The following TMEM50B variants were observed in gnomAD, a reference collection of about 807,000 sequenced individuals.
TMEM50B encodes transmembrane protein 50B.
Under a neutral mutation model 23.4 loss-of-function variants are expected in TMEM50B, and 14 were observed. That is an observed-to-expected ratio of 0.60 (90% CI 0.39 to 0.93). The LOEUF is 0.93. TMEM50B is among the 40% of genes least tolerant of loss of function. The probability of loss-of-function intolerance (pLI) is 0.00; values close to 1 mark genes in which losing one functional copy is unlikely to be tolerated. For synonymous variants in TMEM50B, 64 were observed against 62.3 expected (o/e 1.03, Z -0.13); for missense variants, 159 against 193.0 (o/e 0.82, Z 1.04).
chr21:33,477,386 AATAT>A (rs1192147609), intron 1 of TMEM50B, among the ~76,000 whole-genome samples: 1 of 152,128 alleles, frequency 6.6e-6, no homozygotes, highest in Non-Finnish European at 1.5e-5. Flanking sequence ...GCAATATTAT[AATAT>A]AATACCCTCC....
rs147253276 is a variant in TMEM50B, at chr21:33,456,698, C to T, written c.374-914G>A. 2.0e-3 allele frequency among the ~76,000 whole-genome samples: 308 copies of T among 152,246 alleles called. 1 individual carries two copies. The highest frequency in any genetic ancestry group is 7.1e-3 in the African/African-American group (296 of 41,538). On this transcript the variant is annotated intron_variant, in intron 5 of 6. Transcript: ENST00000542230. ...TCTATACCAATGACTAACTGTATGACCTTGGGCAAATTATTTAACCTCAGC... is the reference window on the plus strand; with the variant it reads ...TCTATACCAATGACTAACTGTATGATCTTGGGCAAATTATTTAACCTCAGC...
At chr21:33,454,284 T>C (rs2084149042) in intron 6 of TMEM50B, among the ~76,000 whole-genome samples, 1 of 152,064 alleles carries the variant, frequency 6.6e-6, no homozygotes, top group Non-Finnish European at 1.5e-5. Flanking sequence ...GTATATAATA[T>C]GCATACTATG....
At chr21:33,451,632 G>C (rs1244867216) in intron 6 of TMEM50B, among the ~76,000 whole-genome samples, 1 of 152,048 alleles carries the variant, frequency 6.6e-6, no homozygotes, top group East Asian at 1.9e-4. Flanking sequence ...GACACTCCAG[G>C]GCCATGAGTT....
intron 3 of TMEM50B, among the ~76,000 whole-genome samples, chr21:33,465,711 G>A (rs1231687121): frequency 6.6e-6 from 1 of 152,136 alleles, no homozygotes; most frequent in Non-Finnish European, 1.5e-5. Flanking sequence ...ATACATGAAT[G>A]ACTCAGTGCT....
chr21:33,461,728 C>T (rs1398181913), intron 4 of TMEM50B, among the ~76,000 whole-genome samples: 3 of 151,874 alleles, frequency 2.0e-5, no homozygotes, highest in South Asian at 2.1e-4. Context: ...TTGCTTGAAC[C>T]TGAGAGGCAG....
At chr21:33,439,716 C>T (rs532505339) in intron 7 of TMEM50B, among the ~76,000 whole-genome samples, 287 of 151,514 alleles carry the variant, frequency 1.9e-3, no homozygotes, top group African/African-American at 6.6e-3. Context: ...GCCTCATTCT[C>T]CTTAGTAAAA....
At chr21:33,444,041 T>C (rs973973756) in intron 7 of TMEM50B, among the ~76,000 whole-genome samples, 2 of 152,044 alleles carry the variant, frequency 1.3e-5, no homozygotes, top group South Asian at 2.1e-4. Context: ...GCTGGGATTA[T>C]AGGCACCTGC....
rs150144439 is a variant in TMEM50B at position 33,460,557 on chromosome 21, G to A, written c.281-52C>T. 4.2e-3 allele frequency: 4,695 copies of A among 1,116,828 alleles called. 19 individuals are homozygous for A. The highest frequency in any genetic ancestry group is 5.1e-3 in the Non-Finnish European group (3,895 of 763,492). The allele number at this position is 1,116,828 out of a possible 1,614,324, so 69.2% of individuals were successfully genotyped here. A position where few individuals can be genotyped will look rare whatever the true frequency, so the allele number is the denominator to read the frequency against. On this transcript the variant is annotated intron_variant, in intron 4 of 6. Coordinates refer to ENST00000542230, the MANE Select transcript of TMEM50B (RefSeq NM_006134.7). Reference sequence around the variant, plus strand: ...TTGTTCATTTTTGCAGCTCTGTAACGTCTTAGGAATACATAATACTAGGAG... The same window carrying A: ...TTGTTCATTTTTGCAGCTCTGTAACATCTTAGGAATACATAATACTAGGAG...
chr21:33,468,295 CT>C (rs2084283221), intron 2 of TMEM50B: 1 of 152,616 alleles, frequency 6.6e-6, no homozygotes, highest in African/African-American at 2.4e-5. Flanking sequence ...TCACAAATCT[CT>C]TCCTCTGATG....
At chr21:33,432,908 C>T (rs367731539) in intron 8 of TMEM50B, 8 of 1,498,764 alleles carry the variant, frequency 5.3e-6, no homozygotes, top group Non-Finnish European at 7.4e-6. Flanking sequence ...TTTTTTGAGA[C>T]AGGGTCTTGC....
Position 33,436,485 on chromosome 21 carries a change from G to A in TMEM50B, c.*2120+2729C>T, listed in dbSNP as rs17885882. 2.1e-3 allele frequency among the ~76,000 whole-genome samples: 314 copies of A among 152,352 alleles called. 2 individuals carry two copies. The highest frequency in any genetic ancestry group is 7.0e-3 in the African/African-American group (290 of 41,586). On this transcript the variant is annotated intron_variant and NMD_transcript_variant, in intron 8 of 8. Coordinates refer to the TMEM50B transcript ENST00000420455. ...CGCCTATAATCCCAGCACTTTGGGA[G>A]GCCAAGGTGGGTGGATCATTTGCGA...
intron 1 of TMEM50B, chr21:33,469,823 G>A (rs1022758145): frequency 6.6e-6 from 1 of 152,144 alleles, no homozygotes; most frequent in Non-Finnish European, 1.5e-5. Context: ...CCAAAAGTTT[G>A]AGCCTTCCCA....
intron 1 of TMEM50B, among the ~76,000 whole-genome samples, chr21:33,470,450 G>A (rs551354292): frequency 2.7e-3 from 241 of 90,300 alleles, no homozygotes; most frequent in Non-Finnish European, 4.5e-3. Flanking sequence ...AAAAAAAATC[G>A]GCTAGGCTCG....
intron 2 of TMEM50B, among the ~76,000 whole-genome samples, chr21:33,468,128 C>T (rs778943505): frequency 7.0e-6 from 1 of 143,242 alleles, no homozygotes; most frequent in African/African-American, 2.5e-5. Flanking sequence ...AAGATAGGTC[C>T]TGATTTTGGG....
At chr21:33,447,717 CACAT>C (rs753894725), downstream of TMEM50B, among the ~76,000 whole-genome samples, 46 of 90,556 alleles carry the variant, frequency 5.1e-4, no homozygotes, top group East Asian at 1.6e-3. Context: ...CACACACACA[CACAT>C]ATATATATAT....
At chr21:33,446,960 T>C (rs901382135), downstream of TMEM50B, 1 of 151,886 alleles carries the variant, frequency 6.6e-6, no homozygotes, top group Non-Finnish European at 1.5e-5. Context: ...TTGGCCAATA[T>C]GGTGAAACCA....
chr21:33,453,547 G>T (rs997425729), intron 6 of TMEM50B, among the ~76,000 whole-genome samples: 1 of 152,036 alleles, frequency 6.6e-6, no homozygotes, highest in African/African-American at 2.4e-5. Flanking sequence ...TACAAAAAAT[G>T]CTTGAAGAAA....
intron 7 of TMEM50B, chr21:33,439,355 C>T (rs148470823): frequency 1.3e-4 from 20 of 152,208 alleles, no homozygotes; most frequent in African/African-American, 4.8e-4. Flanking sequence ...CAAATCAACT[C>T]TGTTAGGGTA....
At chr21:33,440,620 C>G (rs545667774) in intron 7 of TMEM50B, among the ~76,000 whole-genome samples, 1 of 150,442 alleles carries the variant, frequency 6.6e-6, no homozygotes, top group South Asian at 2.1e-4. Context: ...CGGGGGCTCA[C>G]GCTTGTAATC....
Sources: allele counts gnomAD v4.1 joint callset (sites outside exome capture counted in the v4.1 genomes callset), GRCh38; gene constraint gnomAD v4.1.1; transcripts MANE v1.5; gene names NCBI Gene and HGNC (gene_info 2026-07-23, HGNC 2026-07-21).